RSPO2: variants seen among roughly 807,000 people sequenced by gnomAD.
RSPO2 encodes the protein R-spondin-2.
Under a neutral mutation model 30.9 loss-of-function variants are expected in RSPO2, and 14 were observed. That is an observed-to-expected ratio of 0.45 (90% CI 0.30 to 0.71). The LOEUF (loss-of-function observed/expected upper bound fraction) is 0.71. Ranked by LOEUF, RSPO2 falls within the 30% of genes least tolerant of loss-of-function variation. The pLI is 0.08. For missense variants in RSPO2, 264 were observed against 301.9 expected (o/e 0.87, Z 0.93); for synonymous variants, 107 against 96.4 (o/e 1.11, Z -0.64).
At chr8:107,912,449 G>A (rs917071842) in intron 5 of RSPO2, among the ~76,000 whole-genome samples, 2 of 152,138 alleles carry the variant, frequency 1.3e-5, no homozygotes, top group Admixed American at 1.3e-4. Flanking sequence ...CCAGTGTGGG[G>A]AGGCACACCC....
At chr8:107,963,184 G>C (rs549295587) in intron 3 of RSPO2, among the ~76,000 whole-genome samples, 1 of 150,974 alleles carries the variant, frequency 6.6e-6, no homozygotes, top group East Asian at 2.0e-4. Context: ...CCATTTAAAA[G>C]TACAAGGTGA....
chr8:107,949,417 G>A (rs1407979740), intron 5 of RSPO2, among the ~76,000 whole-genome samples: 1 of 149,786 alleles, frequency 6.7e-6, no homozygotes, highest in Non-Finnish European at 1.5e-5. Context: ...TATCTAGGTT[G>A]GTTCCATATT....
chr8:107,917,971 T>C (rs1375578598), intron 5 of RSPO2, among the ~76,000 whole-genome samples: 1 of 152,158 alleles, frequency 6.6e-6, no homozygotes, highest in South Asian at 2.1e-4. Context: ...ATGGGTGCTA[T>C]TGAATGCACG....
intron 3 of RSPO2, chr8:107,983,792 G>A (rs561766498): frequency 6.2e-7 from 1 of 1,604,728 alleles, no homozygotes; most frequent in East Asian, 2.2e-5. Context: ...AAACATCAGA[G>A]TTATGGAGCT....
At chr8:108,068,803 G>T (rs991903342) in intron 2 of RSPO2, among the ~76,000 whole-genome samples, 2 of 152,196 alleles carry the variant, frequency 1.3e-5, no homozygotes, top group Admixed American at 1.3e-4. Context: ...GAGGCTGGAA[G>T]AAACAAGGAA....
chr8:108,036,701 G>A (rs935981997), intron 2 of RSPO2, among the ~76,000 whole-genome samples: 16 of 152,186 alleles, frequency 1.1e-4, no homozygotes, highest in Non-Finnish European at 2.1e-4. Context: ...TGGGAGGAAG[G>A]TTGTTGTTTT....
intron 2 of RSPO2, among the ~76,000 whole-genome samples, chr8:108,058,744 G>C (rs1812344778): frequency 6.6e-6 from 1 of 151,732 alleles, no homozygotes; most frequent in Admixed American, 6.6e-5. Context: ...ACAAGCAATG[G>C]GGAAAGGATT....
chr8:108,046,644 A>G (rs116186798), intron 2 of RSPO2, among the ~76,000 whole-genome samples: 1 of 152,166 alleles, frequency 6.6e-6, no homozygotes, highest in Non-Finnish European at 1.5e-5. Flanking sequence ...AACAAACAAA[A>G]AAAACTGCTC....
intron 5 of RSPO2, among the ~76,000 whole-genome samples, chr8:107,927,521 T>C (rs971812841): frequency 1.3e-5 from 2 of 152,170 alleles, no homozygotes; most frequent in African/African-American, 2.4e-5. Context: ...CAGTATGATA[T>C]TGGCTGTGGG....
intron 3 of RSPO2, among the ~76,000 whole-genome samples, chr8:107,962,601 A>T (rs1177809037): frequency 6.6e-6 from 1 of 152,168 alleles, no homozygotes; most frequent in African/African-American, 2.4e-5. Flanking sequence ...TATTTTAATA[A>T]AACCATGGTC....
chr8:108,054,354 T>A (rs13249751), intron 2 of RSPO2, among the ~76,000 whole-genome samples: 41,092 of 151,978 alleles, frequency 0.27, 5,670 homozygotes, highest in East Asian at 0.43. Flanking sequence ...GGTGGCCCCA[T>A]CATCCTACAG....
At chr8:108,013,849 T>A (rs1810785094) in intron 2 of RSPO2, among the ~76,000 whole-genome samples, 1 of 152,032 alleles carries the variant, frequency 6.6e-6, no homozygotes, top group Admixed American at 6.6e-5. Flanking sequence ...AATTGACAAA[T>A]GGGATCTAAT....
At chr8:108,036,147 T>C (rs1811588575) in intron 2 of RSPO2, among the ~76,000 whole-genome samples, 1 of 152,152 alleles carries the variant, frequency 6.6e-6, no homozygotes, top group African/African-American at 2.4e-5. Context: ...CTTAGAGATA[T>C]TAAGCAAATA....
chr8:107,922,947 C>A (rs1812228013), intron 5 of RSPO2, among the ~76,000 whole-genome samples: 1 of 152,060 alleles, frequency 6.6e-6, no homozygotes, highest in African/African-American at 2.4e-5. Context: ...AAATTAAAGT[C>A]TTAAATGTAA....
intron 2 of RSPO2, among the ~76,000 whole-genome samples, chr8:108,039,454 G>A (rs943053992): frequency 2.0e-5 from 3 of 152,012 alleles, no homozygotes; most frequent in African/African-American, 4.8e-5. Context: ...CTTACCCAAC[G>A]TCACCCAGCT....
At chr8:108,041,960 T>TA (rs1055602228) in intron 2 of RSPO2, among the ~76,000 whole-genome samples, 5 of 151,932 alleles carry the variant, frequency 3.3e-5, no homozygotes, top group South Asian at 2.1e-4. Context: ...TAACAGTGTT[T>TA]AAAAAAATAG....
intron 5 of RSPO2, among the ~76,000 whole-genome samples, chr8:107,952,753 C>T (rs766289289): frequency 5.5e-4 from 83 of 152,128 alleles, no homozygotes; most frequent in Non-Finnish European, 1.0e-3. Context: ...TTACCTAATA[C>T]GTAGTCCACA....
intron 2 of RSPO2, among the ~76,000 whole-genome samples, chr8:108,033,040 ACT>A (rs1324639707): frequency 2.7e-5 from 3 of 111,824 alleles, no homozygotes; most frequent in South Asian, 3.5e-4. Context: ...ACAGAGCAAG[ACT>A]CTGTCTCAAA....
At chr8:107,937,683 C>G (rs1225019989) in intron 5 of RSPO2, among the ~76,000 whole-genome samples, 1 of 151,236 alleles carries the variant, frequency 6.6e-6, no homozygotes, top group African/African-American at 2.4e-5. Flanking sequence ...AAGATTGGAA[C>G]AGATTGGCAT....
Sources: gnomAD v4.1 joint callset for allele counts (sites outside exome capture counted in the v4.1 genomes callset) on GRCh38, gnomAD v4.1.1 for gene constraint, MANE v1.5 for transcripts, NCBI Gene and HGNC (gene_info 2026-07-23, HGNC 2026-07-21) for gene names.